The following ADAP1 variants were observed in gnomAD, a reference collection of about 807,000 sequenced individuals.
ADAP1 encodes the protein ArfGAP with dual PH domains 1, also known as arf-GAP with dual PH domain-containing protein 1.
Under a neutral mutation model 54.9 loss-of-function variants are expected in ADAP1, and 31 were observed. That is an observed-to-expected ratio of 0.56 (90% CI 0.42 to 0.76). The LOEUF (loss-of-function observed/expected upper bound fraction) is 0.76. ADAP1 is among the 30% of genes least tolerant of loss of function. The probability of loss-of-function intolerance (pLI) is 0.00; values close to 1 mark genes in which losing one functional copy is unlikely to be tolerated. For synonymous variants in ADAP1, 313 were observed against 202.6 expected (o/e 1.55, Z -4.63); for missense variants, 535 against 512.4 (o/e 1.04, Z -0.42).
At position 905,391 on chromosome 7, in the gene ADAP1, GA is replaced by G. The variant is rs771199394; in HGVS notation, c.389-220del. On this transcript the variant is annotated intron_variant, in intron 4 of 10. Transcript: ENST00000265846. Reference sequence around the variant, plus strand: ...GAAAGGGAAAGGAGAAAGGAGAAAGGAGAAAGGAGAAAGGAGAAAGGGAGAA... The same window carrying G: ...GAAAGGGAAAGGAGAAAGGAGAAAGGGAAAGGAGAAAGGAGAAAGGGAGAA... The G allele has an allele frequency of 8.6e-4, 216 of 250,680 alleles. 5 individuals are homozygous for G. Among genetic ancestry groups the G allele is most frequent in the Middle Eastern group, 2.7e-3 (3 of 1,114 alleles). 15.5% of individuals were successfully genotyped at this position (250,680 alleles called of 1,614,324 possible).
chr7:905,817 G>GGAGAAAGGAGAAAGGAGAAA (rs1562913016), intron 4 of ADAP1, among the ~76,000 whole-genome samples: 1 of 16,468 alleles, frequency 6.1e-5, no homozygotes, highest in Non-Finnish European at 1.5e-4. Context: ...GAAAGGAGAA[G>GGAGAAAGGAGAAAGGAGAAA]GGAGAAGGGA....
intron 3 of ADAP1, among the ~76,000 whole-genome samples, chr7:924,323 A>C (rs970813045): frequency 1.1e-3 from 1 of 950 alleles, no homozygotes; most frequent in Non-Finnish European, 1.7e-3. Flanking sequence ...CCCCTCCCCC[A>C]CCCTCGAGGT....
intron 1 of ADAP1, among the ~76,000 whole-genome samples, chr7:951,395 C>T (rs1206246330): frequency 9.4e-5 from 14 of 149,190 alleles, no homozygotes; most frequent in African/African-American, 3.0e-4. Context: ...AAATATCCAA[C>T]CTAGTTGGGC....
chr7:951,269 A>T (rs1267421338), intron 1 of ADAP1, among the ~76,000 whole-genome samples: 1 of 151,360 alleles, frequency 6.6e-6, no homozygotes, highest in Non-Finnish European at 1.5e-5. Flanking sequence ...GCTACTCGGG[A>T]GGCTGAGGCA....
rs769169125 is a variant in ADAP1 at position 905,063 on chromosome 7, A to T, written c.498T>A (p.Asn166Lys). 6.2e-7 allele frequency: 1 copy of T among 1,610,550 alleles called. No individual in the cohort carries two copies. The highest frequency in any genetic ancestry group is 8.5e-7 in the Non-Finnish European group (1 of 1,179,784). ...REGALKYFNR[N>K]DAKEPKAVMK... The stretch of plus-strand genomic sequence containing the variant: ...CCCACCCCCGTCTGTGACTCACATC[A>T]TTTCTGTTGAAATACTTCAGAGCAC... The change falls in exon 5 of 11, where the codon AAT becomes AAA. Residue 166 changes from asparagine (N) to lysine (K), a missense_variant. Physicochemically the swap from Asn to Lys is moderately conservative, Grantham distance 94. Coordinates refer to ENST00000265846, the MANE Select transcript of ADAP1 (RefSeq NM_006869.4).
chr7:926,691 A>C lies in ADAP1; in HGVS notation c.214-47T>G. On this transcript the variant is annotated intron_variant, in intron 2 of 10. Transcript: ENST00000265846. This position sits in a 1 kb window ranked among gnomAD's most constrained non-coding sequence, Gnocchi z 4.6. ...GTCAGAGGCCTGGGGTCCCAGGGGC[A>C]GCCTAGGAGGTGCCAGCTGCCCTTG... 6.8e-7 allele frequency: 1 copy of C among 1,463,278 alleles called. No individual in the cohort carries two copies. The highest frequency in any genetic ancestry group is 1.5e-5 in the African/African-American group (1 of 68,758). The allele number at this position is 1,463,278 out of a possible 1,614,324, so 90.6% of individuals were successfully genotyped here. A position where few individuals can be genotyped will look rare whatever the true frequency, so the allele number is the denominator to read the frequency against.
chr7:905,312 C>CGG (rs369895880), intron 4 of ADAP1, 140 bp from the exon 5 acceptor site: 64 of 255,958 alleles, frequency 2.5e-4, no homozygotes, highest in African/African-American at 5.6e-4. Context: ...GGGAGACGGA[C>CGG]GGGGAGAGGG....
At chr7:924,781 AG>A (rs2128106278) in intron 3 of ADAP1, among the ~76,000 whole-genome samples, 1 of 151,916 alleles carries the variant, frequency 6.6e-6, no homozygotes, top group South Asian at 2.1e-4. Flanking sequence ...CAGAACAGCC[AG>A]GGAGTGGGAG....
intron 6 of ADAP1, among the ~76,000 whole-genome samples, chr7:902,475 A>AAAATGCCTGGGCGT (rs1491159593): frequency 9.1e-5 from 13 of 142,236 alleles, no homozygotes; most frequent in South Asian, 2.2e-4. Context: ...AAAAAAAGAA[A>AAAATGCCTGGGCGT]GAAAAGAAAG....
At chr7:899,866 G>A (rs746076003) in intron 8 of ADAP1, among the ~76,000 whole-genome samples, 38 of 152,312 alleles carry the variant, frequency 2.5e-4, no homozygotes, top group Non-Finnish European at 3.5e-4. Flanking sequence ...GCAGGTGCAC[G>A]GTCCCGTGGG....
At chr7:921,651 G>C (rs1562926876) in intron 3 of ADAP1, among the ~76,000 whole-genome samples, 1 of 152,216 alleles carries the variant, frequency 6.6e-6, no homozygotes, top group Non-Finnish European at 1.5e-5. Context: ...AGGGGCGGCG[G>C]GTTAGGACTT....
chr7:933,562 G>A (rs1219947629), intron 2 of ADAP1, among the ~76,000 whole-genome samples: 2 of 122,428 alleles, frequency 1.6e-5, no homozygotes, highest in Non-Finnish European at 3.4e-5. Context: ...GCCGGGGGCC[G>A]GGGTCAGTGG....
chr7:910,986 G>A (rs927049157), intron 4 of ADAP1, among the ~76,000 whole-genome samples: 1 of 152,172 alleles, frequency 6.6e-6, no homozygotes, highest in Non-Finnish European at 1.5e-5. Context: ...TCCTCTGTGA[G>A]CCCGCACAGG....
Position 924,737 on chromosome 7 carries a change from C to A in ADAP1, c.305+1816G>T, listed in dbSNP as rs1180085301. ...CCCCTGAGTCCACGAGCACCCCCAG[C>A]CCCCCGCACCCATGTCAGCCCCCGG... On this transcript the variant is annotated intron_variant, in intron 3 of 10. Coordinates refer to ENST00000265846, the MANE Select transcript of ADAP1 (RefSeq NM_006869.4). Among the ~76,000 whole-genome samples, 5 of 151,834 alleles carry A rather than the reference C, an allele frequency of 3.3e-5. No homozygotes were observed. The South Asian group carries it at 8.4e-4, about 25-fold the overall frequency.
chr7:920,069 C>A lies in ADAP1; in HGVS notation c.306-19G>T. 6.2e-7 allele frequency: 1 copy of A among 1,602,336 alleles called. No individual in the cohort carries two copies. The highest frequency in any genetic ancestry group is 8.5e-7 in the Non-Finnish European group (1 of 1,178,518). On this transcript the variant is annotated intron_variant, in intron 3 of 10. Coordinates refer to ENST00000265846, the MANE Select transcript of ADAP1 (RefSeq NM_006869.4). The surrounding 1 kb of genome is among the most constrained non-coding windows in gnomAD (Gnocchi z 4.5). ...AAGGAGCCTGTGGGGAGAGGAGAGA[C>A]TGAGCCACTGGGCCAAGGCGGCCTC...
intron 4 of ADAP1, among the ~76,000 whole-genome samples, chr7:906,491 GGAAAGGAGAAAGGGAGAAAGGAGAAAGGA>G (rs1845352130): frequency 7.9e-5 from 1 of 12,696 alleles, no homozygotes; most frequent in African/African-American, 2.6e-4. Flanking sequence ...AAGGAGAAAG[GGAAAGGAGAAAGGGAGAAAGGAGAAAGGA>G]GAAAGGGAAA....
At chr7:928,268 G>A (rs1041303331) in intron 2 of ADAP1, among the ~76,000 whole-genome samples, 2 of 152,110 alleles carry the variant, frequency 1.3e-5, no homozygotes, top group East Asian at 1.9e-4. Flanking sequence ...TTGGGAGGCC[G>A]AGGCGGGAGG....
intron 1 of ADAP1, among the ~76,000 whole-genome samples, chr7:952,064 G>T (rs934710880): frequency 6.6e-6 from 1 of 151,854 alleles, no homozygotes; most frequent in African/African-American, 2.4e-5. Flanking sequence ...CCCCACCCAG[G>T]TCTTGCAGGA....
chr7:950,674 T>C (rs1292727226), intron 1 of ADAP1, among the ~76,000 whole-genome samples: 3 of 151,170 alleles, frequency 2.0e-5, no homozygotes, highest in African/African-American at 4.9e-5. Flanking sequence ...CTGGCCAACA[T>C]GGCGAAACCC....
Sources: allele counts gnomAD v4.1 joint callset (sites outside exome capture counted in the v4.1 genomes callset), GRCh38; gene constraint gnomAD v4.1.1; non-coding constraint Gnocchi (gnomAD v3.1); transcripts MANE v1.5; gene names NCBI Gene and HGNC (gene_info 2026-07-23, HGNC 2026-07-21).